PIK3CD: variants seen among roughly 807,000 people sequenced by gnomAD.
PIK3CD encodes the protein phosphatidylinositol-4,5-bisphosphate 3-kinase catalytic subunit delta, also known as phosphatidylinositol 4,5-bisphosphate 3-kinase catalytic subunit delta isoform.
Under a neutral mutation model 122.9 loss-of-function variants are expected in PIK3CD, and 20 were observed. The ratio of observed to expected loss-of-function variants is 0.16; its 90% CI spans 0.11 to 0.24. The LOEUF is 0.24. Among genes scored for constraint, PIK3CD ranks in the 10% least tolerant of loss-of-function variants. The pLI is 1.00. For synonymous variants in PIK3CD, 596 were observed against 593.4 expected, an observed-to-expected ratio of 1.00 and a Z score of -0.06; for missense variants, 787 against 1,406.3, an observed-to-expected ratio of 0.56 and a Z score of 7.04.
At position 9,720,535 on chromosome 1, in the gene PIK3CD, G is replaced by A. The variant is rs184166666; in HGVS notation, c.1471-76G>A. The A allele has an allele frequency of 1.1e-4, 164 of 1,545,236 alleles. No individual in the cohort carries two copies. In the African/African-American group the frequency reaches 1.9e-3, roughly 18 times the overall value. On this transcript the variant is annotated intron_variant, in intron 11 of 23. Coordinates refer to ENST00000377346, the MANE Select transcript of PIK3CD (RefSeq NM_005026.5). The surrounding 1 kb of genome is among the most constrained non-coding windows in gnomAD (Gnocchi z 9.0). Reference sequence around the variant, plus strand: ...GCGCCCCCTCAAGGATGATTGGGGTGGCAATGCCCGGCCTGGGGGTCCTGC... The same window carrying A: ...GCGCCCCCTCAAGGATGATTGGGGTAGCAATGCCCGGCCTGGGGGTCCTGC...
the PIK3CD span, among the ~76,000 whole-genome samples, chr1:9,644,540 TA>T: frequency 1.3e-5 from 2 of 151,458 alleles, no homozygotes; most frequent in African/African-American, 4.8e-5. Flanking sequence ...AATAAATAAA[TA>T]AATAAATAAA....
At chr1:9,726,190 G>A (rs1649542160) in intron 23 of PIK3CD, among the ~76,000 whole-genome samples, 1 of 151,966 alleles carries the variant, frequency 6.6e-6, no homozygotes, top group Admixed American at 6.6e-5. Context: ...TCCAGCTCGG[G>A]TGACAGAGCA....
chr1:9,639,111 C>G, the PIK3CD span, among the ~76,000 whole-genome samples: 1 of 152,158 alleles, frequency 6.6e-6, no homozygotes, highest in Non-Finnish European at 1.5e-5. Flanking sequence ...CACCATTCAA[C>G]TCACTACATG....
At chr1:9,684,392 C>T (rs1425559328) in intron 1 of PIK3CD, among the ~76,000 whole-genome samples, 1 of 151,858 alleles carries the variant, frequency 6.6e-6, no homozygotes, top group East Asian at 1.9e-4. Flanking sequence ...CAAAAATTAG[C>T]TGGGCATGGT....
In PIK3CD at chr1:9,728,910, T is replaced by C. The variant is rs1650127012; in HGVS notation, c.*1864T>C. On this transcript the variant is annotated 3_prime_UTR_variant, in exon 24 of 24. Transcript: ENST00000377346. Reference sequence around the variant, plus strand: ...CCTTGAAATGAGAAGTAAAGGCAGATGAAAAGAAAGAAAAAGCCTTTTTAT... The same window carrying C: ...CCTTGAAATGAGAAGTAAAGGCAGACGAAAAGAAAGAAAAAGCCTTTTTAT... The C allele has an allele frequency of 6.6e-6, 1 of 152,202 alleles. No homozygotes were observed. Among genetic ancestry groups the C allele is most frequent in the Non-Finnish European group, 1.5e-5 (1 of 68,044 alleles). 9.4% of individuals were successfully genotyped at this position (152,202 alleles called of 1,614,324 possible).
At chr1:9,711,545 C>T (rs546391187) in intron 3 of PIK3CD, among the ~76,000 whole-genome samples, 12 of 152,126 alleles carry the variant, frequency 7.9e-5, no homozygotes, top group East Asian at 7.7e-4. Context: ...CTGCCTCCCA[C>T]GGTGGGCTTT....
At position 9,705,735 on chromosome 1, in the gene PIK3CD, TG is replaced by T. The variant is rs543383160; in HGVS notation, c.-32-4687del. On this transcript the variant is annotated intron_variant, in intron 2 of 23. Coordinates refer to ENST00000377346, the MANE Select transcript of PIK3CD (RefSeq NM_005026.5). Reference sequence around the variant, plus strand: ...CTATTTGTAGAAAATAAAGGTTTTATGGAAAATCAGGGAAATGCAAATTAAA... The same window carrying T: ...CTATTTGTAGAAAATAAAGGTTTTATGAAAATCAGGGAAATGCAAATTAAA... 7.6e-4 allele frequency among the ~76,000 whole-genome samples: 115 copies of T among 152,256 alleles called. 1 individual carries two copies. Among genetic ancestry groups the T allele is most frequent in the Non-Finnish European group, 1.3e-3 (87 of 68,024 alleles).
chr1:9,718,787 A>G lies in PIK3CD; in HGVS notation c.1114A>G (p.Lys372Glu). The G allele has an allele frequency of 1.2e-6, 2 of 1,611,122 alleles. No homozygotes were observed. Among genetic ancestry groups the G allele is most frequent in the Non-Finnish European group, 1.7e-6 (2 of 1,179,870 alleles). The change falls in exon 9 of 24, where the codon AAG (lysine) becomes GAG (glutamate). Residue 372 changes from lysine to glutamate, a missense_variant. Physicochemically the swap from Lys to Glu is moderately conservative, Grantham distance 56. This residue lies in a region of PIK3CD where 592 missense variants were observed against 920.6 expected (regional missense o/e 0.64). Coordinates refer to ENST00000377346, the MANE Select transcript of PIK3CD (RefSeq NM_005026.5). This position sits in a 1 kb window ranked among gnomAD's most constrained non-coding sequence, Gnocchi z 7.2. ...GAGCGTGTGCTCGGAGCCCGTGTGGAAGCAGCGGCTGGAGTTCGACATCAA... is the reference window on the plus strand; with the variant it reads ...GAGCGTGTGCTCGGAGCCCGTGTGGGAGCAGCGGCTGGAGTTCGACATCAA... ...EVSVCSEPVWKQRLEFDINIC... is the reference protein window; with the variant it reads ...EVSVCSEPVWEQRLEFDINIC...
At chr1:9,696,050 C>A (rs1381968393) in intron 2 of PIK3CD, among the ~76,000 whole-genome samples, 1 of 151,074 alleles carries the variant, frequency 6.6e-6, no homozygotes, top group East Asian at 2.0e-4. Flanking sequence ...TGGCTCACTG[C>A]AGCCTCGACC....
In PIK3CD at chr1:9,653,924, G is replaced by A. The variant is rs771376967; in HGVS notation, c.-138+2122G>A. 9.5e-6 allele frequency: 13 copies of A among 1,366,134 alleles called. No individual in the cohort carries two copies. In the African/African-American group the frequency reaches 1.6e-4, roughly 17 times the overall value. 84.6% of individuals were successfully genotyped at this position (1,366,134 alleles called of 1,614,324 possible). ...AGGAGTGCTCTTAAAACCCAGTTGT[G>A]GCTGAGAGCGGTAGCTCATACCTGT... is the stretch of plus-strand genomic sequence containing the variant. On this transcript the variant is annotated intron_variant, in intron 1 of 23. Coordinates refer to ENST00000377346, the MANE Select transcript of PIK3CD (RefSeq NM_005026.5).
intron 14 of PIK3CD, 40 bp downstream of exon 14, chr1:9,721,288 A>T: frequency 6.2e-7 from 1 of 1,612,710 alleles, no homozygotes; most frequent in Non-Finnish European, 8.5e-7. Context: ...TCCAGAGGGC[A>T]GCTGTGTCCT....
Position 9,720,580 on chromosome 1 carries a change from TG to T in PIK3CD, c.1471-27del. 2 of 1,483,332 alleles carry T rather than the reference TG, an allele frequency of 1.3e-6. No homozygotes were observed. Among genetic ancestry groups the T allele is most frequent in the Non-Finnish European group, 1.8e-6 (2 of 1,107,682 alleles). The allele number at this position is 1,483,332 out of a possible 1,614,324, so 91.9% of individuals were successfully genotyped here. On this transcript the variant is annotated intron_variant, in intron 11 of 23. Coordinates refer to ENST00000377346, the MANE Select transcript of PIK3CD (RefSeq NM_005026.5). The surrounding 1 kb of genome is among the most constrained non-coding windows in gnomAD (Gnocchi z 9.0). ...TCCTGCCCGGGCTGGTCCAGGCCCC[TG>T]GGGACGCTGAGTGCAGCCGTTTGTT...
intron 2 of PIK3CD, among the ~76,000 whole-genome samples, chr1:9,707,099 C>A (rs1646863018): frequency 6.6e-6 from 1 of 151,912 alleles, no homozygotes; most frequent in Middle Eastern, 3.2e-3. Context: ...AGGCATGAGC[C>A]ACCATGAGCC....
rs763238685 is a variant in PIK3CD, at chr1:9,710,542, G to A, written c.87G>A (p.Gly29=). 1 of 1,613,966 alleles carries A rather than the reference G, an allele frequency of 6.2e-7. No individual in the cohort carries two copies. The highest frequency in any genetic ancestry group is 1.1e-5 in the South Asian group (1 of 91,076). ...TGGTTGACTTCCTGCTGCCCACAGG[G>A]GTCTACCTGAACTTCCCTGTGTCCC... is the stretch of plus-strand genomic sequence containing the variant. ...SVVVDFLLPT[G]VYLNFPVSRN... is the part of the protein sequence containing the mutation. The change falls in exon 3 of 24, where the codon GGG becomes GGA. Residue 29 remains glycine, a synonymous_variant. Transcript: ENST00000377346. The surrounding 1 kb of genome is among the most constrained non-coding windows in gnomAD (Gnocchi z 4.7).
At chr1:9,690,300 C>G (rs1646153992) in intron 1 of PIK3CD, among the ~76,000 whole-genome samples, 1 of 152,212 alleles carries the variant, frequency 6.6e-6, no homozygotes, top group Admixed American at 6.5e-5. Context: ...CTCCTTATTT[C>G]CTGACCCGAA....
rs368197254 is a variant in PIK3CD, at chr1:9,708,172, TTTTGTTTG to T, written c.-32-2227_-32-2220del. ...AAGACTCCGTGTGTACATACAGGCT[TTTTGTTTG>T]TTTGTTTGTTTGTTTGTTTGTTTGA... On this transcript the variant is annotated intron_variant, in intron 2 of 23. Transcript: ENST00000377346. 6.5e-3 allele frequency among the ~76,000 whole-genome samples: 979 copies of T among 151,280 alleles called. 19 individuals carry two copies. The highest frequency in any genetic ancestry group is 0.042 in the East Asian group (214 of 5,098).
intron 1 of PIK3CD, among the ~76,000 whole-genome samples, chr1:9,656,741 A>C (rs1010933427): frequency 6.6e-6 from 1 of 152,032 alleles, no homozygotes; most frequent in African/African-American, 2.4e-5. Context: ...TCAGGAGTTC[A>C]AGACCAGCCT....
Position 9,718,975 on chromosome 1 carries a change from C to A in PIK3CD, c.1242+60C>A, listed in dbSNP as rs2100911838. Reference sequence around the variant, plus strand: ...CCCGGAGAGCCAGTACAGCCCCTTGCTGGGCCACTCACCACTCTCCTCCCG... The same window carrying A: ...CCCGGAGAGCCAGTACAGCCCCTTGATGGGCCACTCACCACTCTCCTCCCG... On this transcript the variant is annotated intron_variant, in intron 9 of 23. Coordinates refer to ENST00000377346, the MANE Select transcript of PIK3CD (RefSeq NM_005026.5). The surrounding 1 kb of genome is among the most constrained non-coding windows in gnomAD (Gnocchi z 7.2). The A allele has an allele frequency of 6.1e-6, 9 of 1,483,804 alleles. No homozygotes were observed. In the South Asian group the frequency reaches 8.0e-5, roughly 13 times the overall value. The allele number at this position is 1,483,804 out of a possible 1,614,324, so 91.9% of individuals were successfully genotyped here. A position where few individuals can be genotyped will look rare whatever the true frequency, so the allele number is the denominator to read the frequency against.
rs1648024620 is a variant in PIK3CD at position 9,718,956 on chromosome 1, G to A, written c.1242+41G>A. 3 of 1,571,756 alleles carry A rather than the reference G, an allele frequency of 1.9e-6. No individual in the cohort carries two copies. The highest frequency in any genetic ancestry group is 2.6e-6 in the Non-Finnish European group (3 of 1,147,680). ...GGCTGGGAGGGGTGCAGACCCCGGAGAGCCAGTACAGCCCCTTGCTGGGCC... is the reference window on the plus strand; with the variant it reads ...GGCTGGGAGGGGTGCAGACCCCGGAAAGCCAGTACAGCCCCTTGCTGGGCC... On this transcript the variant is annotated intron_variant, in intron 9 of 23. Coordinates refer to ENST00000377346, the MANE Select transcript of PIK3CD (RefSeq NM_005026.5). The surrounding 1 kb of genome is among the most constrained non-coding windows in gnomAD (Gnocchi z 7.2).
Sources: allele counts gnomAD v4.1 joint callset (sites outside exome capture counted in the v4.1 genomes callset), GRCh38; gene constraint gnomAD v4.1.1; regional missense constraint gnomAD v4.1.1; non-coding constraint Gnocchi (gnomAD v3.1); transcripts MANE v1.5; gene names NCBI Gene and HGNC (gene_info 2026-07-23, HGNC 2026-07-21).